ZBED6: variants seen among roughly 807,000 people sequenced by gnomAD.
ZBED6 encodes zinc finger BED-type containing 6.
In ZBED6, 40 loss-of-function variants were observed where a neutral mutation model predicts 58.4. The observed-to-expected ratio is 0.68, with a 90% CI of 0.53 to 0.89. The LOEUF (loss-of-function observed/expected upper bound fraction) is 0.89, where lower values mean the gene tolerates loss of function less well. Ranked by LOEUF, ZBED6 falls within the 40% of genes least tolerant of loss-of-function variation. ZBED6 has a pLI of 0.00. For synonymous variants in ZBED6, 439 were observed against 350.6 expected, an observed-to-expected ratio of 1.25 and a Z score of -2.82; for missense variants, 1,057 against 1,003.9, an observed-to-expected ratio of 1.05 and a Z score of -0.71.
chr1:203,835,134 T>C (rs983027888), intron 9 of ZBED6, among the ~76,000 whole-genome samples: 1 of 152,232 alleles, frequency 6.6e-6, no homozygotes, highest in Non-Finnish European at 1.5e-5. Flanking sequence ...TGGGAATGTA[T>C]TGTTGAATCA....
intron 7 of ZBED6, among the ~76,000 whole-genome samples, chr1:203,831,036 C>T (rs1055399034): frequency 1.4e-5 from 2 of 146,240 alleles, no homozygotes; most frequent in African/African-American, 5.1e-5. Context: ...ACCTCCACCT[C>T]CCAGTTCAAG....
chr1:203,818,464 TTCTTAC>T (rs1677121253), intron 2 of ZBED6, 100 bp from the exon 3 acceptor site: 2 of 1,467,968 alleles, frequency 1.4e-6, no homozygotes, highest in Non-Finnish European at 1.9e-6. Flanking sequence ...TACCAGTCCT[TTCTTAC>T]TCATTTGTGC....
In ZBED6 at chr1:203,814,719, C is replaced by T. The variant is rs187301653; in HGVS notation, c.*2555-2207C>T. Among the ~76,000 whole-genome samples the T allele has an allele frequency of 5.3e-4, 80 of 152,284 alleles. 1 individual carries two copies. In the Middle Eastern group the frequency reaches 0.02, roughly 39 times the overall value. On this transcript the variant is annotated intron_variant, in intron 1 of 16. Coordinates refer to ENST00000550078, the Ensembl canonical transcript of ZBED6. ...TATGACCCAATAACAAAGCTGCTTA[C>T]ATATTTTTAGATTTTTTTGTTTTTG...
At chr1:203,844,738 C>G (rs551059523) in intron 11 of ZBED6, among the ~76,000 whole-genome samples, 11 of 152,186 alleles carry the variant, frequency 7.2e-5, no homozygotes, top group African/African-American at 2.4e-4. Context: ...GATGGGAGGT[C>G]TGGGGGCTCA....
chr1:203,830,031 A>G, intron 6 of ZBED6, 92 bp from the exon 7 acceptor site: 2 of 1,333,448 alleles, frequency 1.5e-6, no homozygotes, highest in Non-Finnish European at 2.1e-6. Flanking sequence ...TCTGTTGATC[A>G]TTTATTCAAA....
intron 4 of ZBED6, 33 bp downstream of exon 4, chr1:203,828,455 A>T (rs1681259007): frequency 1.3e-6 from 2 of 1,574,738 alleles, no homozygotes; most frequent in Non-Finnish European, 1.7e-6. Context: ...AAAGAATATC[A>T]AATGAACACC....
intron 1 of ZBED6, among the ~76,000 whole-genome samples, chr1:203,808,018 G>A (rs1053632360): frequency 3.9e-5 from 6 of 152,084 alleles, no homozygotes; most frequent in Middle Eastern, 3.4e-3. Flanking sequence ...CTGGCATTAC[G>A]GATGTGAGCC....
intron 3 of ZBED6, among the ~76,000 whole-genome samples, chr1:203,824,086 A>C (rs12739404): frequency 0.11 from 15,981 of 151,966 alleles, 1,123 homozygotes; most frequent in Non-Finnish European, 0.15. Context: ...TGGCCAACAC[A>C]GTGAAACCCC....
exon 17 of ZBED6, chr1:203,852,213 A>G (rs969146200): frequency 1.2e-5 from 19 of 1,613,234 alleles, no homozygotes; most frequent in African/African-American, 9.4e-5. Context: ...CCTCATCCCA[A>G]ATGAGCATGA....
chr1:203,825,661 G>T (rs1191644901), intron 3 of ZBED6, among the ~76,000 whole-genome samples: 1 of 152,034 alleles, frequency 6.6e-6, no homozygotes, highest in African/African-American at 2.4e-5. Context: ...CTGACCTCAG[G>T]TGATCAACCC....
At chr1:203,843,409 G>A (rs982393539) in intron 11 of ZBED6, among the ~76,000 whole-genome samples, 1 of 152,074 alleles carries the variant, frequency 6.6e-6, no homozygotes, top group South Asian at 2.1e-4. Flanking sequence ...ATAGATGTTG[G>A]AACTTTGGGA....
At chr1:203,830,279 G>A (rs1353900704) in intron 7 of ZBED6, 76 bp downstream of exon 7, 2 of 1,070,762 alleles carry the variant, frequency 1.9e-6, no homozygotes, top group African/African-American at 1.6e-5. Flanking sequence ...AGAAGCAACA[G>A]CCAAAATGAG....
At chr1:203,796,934 T>G (rs1294239025) in exon 1 of ZBED6, 1 of 153,682 alleles carries the variant, frequency 6.5e-6, no homozygotes, top group Non-Finnish European at 1.4e-5. Flanking sequence ...GTATGCGGAG[T>G]CTGTGTTGGC....
exon 1 of ZBED6, chr1:203,797,398 T>G (rs534492959): frequency 2.2e-6 from 2 of 913,040 alleles, no homozygotes; most frequent in African/African-American, 3.4e-5. Context: ...ATTGGTCCAG[T>G]GGGAATTTGA....
chr1:203,801,540 T>C (rs1670559452), exon 1 of ZBED6: 1 of 152,634 alleles, frequency 6.6e-6, no homozygotes, highest in Non-Finnish European at 1.5e-5. Flanking sequence ...GAATAACTAA[T>C]GTGAGATCCC....
Position 203,810,976 on chromosome 1 carries a change from C to CA in ZBED6, c.*2555-5935dup, listed in dbSNP as rs879833403. 2.9e-3 allele frequency among the ~76,000 whole-genome samples: 325 copies of CA among 111,508 alleles called. 2 individuals carry two copies. The highest frequency in any genetic ancestry group is 0.011 in the Middle Eastern group (2 of 190). 73.2% of individuals were successfully genotyped at this position (111,508 alleles called of 152,430 possible). ...TGAAACTCCATCTCTACTAAAAATA[C>CA]AAAAAAAAAAAAAAATTAGCAGGGT... On this transcript the variant is annotated intron_variant, in intron 1 of 16. Coordinates refer to ENST00000550078, the Ensembl canonical transcript of ZBED6.
chr1:203,852,400 A>G (rs772909565), exon 17 of ZBED6: 15 of 1,613,810 alleles, frequency 9.3e-6, no homozygotes, highest in Non-Finnish European at 3.4e-6. Context: ...TGATAGCTGA[A>G]GGTGGTAGTG....
exon 1 of ZBED6, chr1:203,798,201 A>C (rs1669278882): frequency 6.5e-7 from 1 of 1,536,202 alleles, no homozygotes; most frequent in Non-Finnish European, 8.7e-7. Flanking sequence ...AGATGATAAT[A>C]GAATGGGCAA....
intron 11 of ZBED6, among the ~76,000 whole-genome samples, chr1:203,844,561 G>T (rs1231723556): frequency 6.6e-6 from 1 of 151,940 alleles, no homozygotes; most frequent in Non-Finnish European, 1.5e-5. Flanking sequence ...ATTTATTTTG[G>T]TTTATCTTAA....
Sources: gnomAD v4.1 joint callset for allele counts (sites outside exome capture counted in the v4.1 genomes callset) on GRCh38, gnomAD v4.1.1 for gene constraint, MANE v1.5 for transcripts, NCBI Gene and HGNC (gene_info 2026-07-23, HGNC 2026-07-21) for gene names.